Variants in SSH2 observed in about 807,000 individuals in gnomAD.
SSH2 encodes slingshot protein phosphatase 2.
Under a neutral mutation model 135.2 loss-of-function variants are expected in SSH2, and 37 were observed. The observed-to-expected ratio is 0.27, with a 90% CI of 0.21 to 0.36. SSH2 has a LOEUF of 0.36. Ranked by LOEUF, SSH2 falls within the 10% of genes least tolerant of loss-of-function variation. The probability of loss-of-function intolerance (pLI) is 1.00; values close to 1 mark genes in which losing one functional copy is unlikely to be tolerated. For missense variants in SSH2, 1,408 were observed against 1,765.3 expected, an observed-to-expected ratio of 0.80 and a Z score of 3.63; for synonymous variants, 628 against 646.2, an observed-to-expected ratio of 0.97 and a Z score of 0.43.
At chr17:29,924,851 C>A (rs987651708) in intron 1 of SSH2, among the ~76,000 whole-genome samples, 1 of 152,158 alleles carries the variant, frequency 6.6e-6, no homozygotes, top group African/African-American at 2.4e-5. Context: ...ATGGTTTGCA[C>A]AAACTTAGAT....
At chr17:29,712,601 C>T (rs1036411149) in intron 3 of SSH2, among the ~76,000 whole-genome samples, 19 of 152,036 alleles carry the variant, frequency 1.2e-4, no homozygotes, top group African/African-American at 4.6e-4. Context: ...GTCAGGAGTT[C>T]GAGACCCGCC....
chr17:29,643,201 C>T (rs886562073), intron 14 of SSH2: 5 of 985,136 alleles, frequency 5.1e-6, no homozygotes, highest in Non-Finnish European at 6.0e-6. Flanking sequence ...TACTTTGGTG[C>T]TGGGCGAGTC....
chr17:29,812,345 A>G (rs1039054859), intron 2 of SSH2, among the ~76,000 whole-genome samples: 1 of 151,946 alleles, frequency 6.6e-6, no homozygotes, highest in African/African-American at 2.4e-5. Context: ...GTGCAGTCAC[A>G]CAATTTTGGC....
chr17:29,672,092 C>T lies in SSH2; in HGVS notation c.652G>A (p.Ala218Thr), dbSNP rs1598765222. 5.0e-6 allele frequency: 8 copies of T among 1,613,876 alleles called. No individual in the cohort carries two copies. Among genetic ancestry groups the T allele is most frequent in the African/African-American group, 1.3e-5 (1 of 74,898 alleles). Reference sequence around the variant, plus strand: ...CCTGGGTAGTAGTTATGCGCTCTGGCGACTTCACAAGCCTTGTGTAAGCTC... The same window carrying T: ...CCTGGGTAGTAGTTATGCGCTCTGGTGACTTCACAAGCCTTGTGTAAGCTC... ...LQSLHKACEVARAHNYYPGSL... is the reference protein window; with the variant it reads ...LQSLHKACEVTRAHNYYPGSL... The change falls in exon 9 of 16, where the codon GCC becomes ACC. Residue 218 changes from alanine (A) to threonine (T), a missense_variant. By Grantham distance (58) the Ala-to-Thr change is moderately conservative. Around this residue, in one of 3 missense-constraint regions of SSH2, gnomAD observed 222 missense variants for 355.6 expected, o/e 0.62. Transcript: ENST00000540801.
At chr17:29,842,912 T>C (rs756600638) in intron 2 of SSH2, among the ~76,000 whole-genome samples, 2 of 152,228 alleles carry the variant, frequency 1.3e-5, no homozygotes, top group South Asian at 2.1e-4. Flanking sequence ...CTGTTTGCTA[T>C]TGGCCAACTG....
chr17:29,851,715 T>C (rs749264389), intron 1 of SSH2, among the ~76,000 whole-genome samples: 169 of 151,960 alleles, frequency 1.1e-3, no homozygotes, highest in Middle Eastern at 3.4e-3. Context: ...AAAATAATAA[T>C]AATCAGCCAA....
chr17:29,887,084 G>A (rs773251859), intron 1 of SSH2, among the ~76,000 whole-genome samples: 8 of 152,094 alleles, frequency 5.3e-5, no homozygotes, highest in Non-Finnish European at 1.0e-4. Context: ...CTCTCCTATC[G>A]AGCCAATGTA....
chr17:29,684,548 A>G lies in SSH2; in HGVS notation c.479+15T>C, dbSNP rs958727024. On this transcript the variant is annotated intron_variant, in intron 6 of 15. Coordinates refer to ENST00000540801, the MANE Select transcript of SSH2 (RefSeq NM_001282129.2). ...TAAAAAGCAGTTTTCACATTTTGAA[A>G]TGGTACCACCATACCTGTCATTAGA... 1.3e-6 allele frequency: 2 copies of G among 1,593,374 alleles called. No homozygotes were observed. Among genetic ancestry groups the G allele is most frequent in the Non-Finnish European group, 8.5e-7 (1 of 1,173,062 alleles).
intron 3 of SSH2, among the ~76,000 whole-genome samples, chr17:29,760,091 T>G (rs2041242834): frequency 6.6e-6 from 1 of 152,198 alleles, no homozygotes; most frequent in African/African-American, 2.4e-5. Flanking sequence ...CAAACGAGTT[T>G]AATTCGATTT....
At chr17:29,869,980 AT>A (rs561540435) in intron 1 of SSH2, among the ~76,000 whole-genome samples, 12 of 147,916 alleles carry the variant, frequency 8.1e-5, no homozygotes, top group Non-Finnish European at 1.6e-4. Flanking sequence ...GGTCGGTACT[AT>A]TTTTTTTTTC....
chr17:29,728,841 C>T (rs1269992200), intron 3 of SSH2, among the ~76,000 whole-genome samples: 2 of 152,254 alleles, frequency 1.3e-5, no homozygotes, highest in South Asian at 2.1e-4. Context: ...ATACTGATGT[C>T]CATATGCAGA....
intron 1 of SSH2, among the ~76,000 whole-genome samples, chr17:29,902,943 T>C (rs1439924364): frequency 6.6e-6 from 1 of 152,098 alleles, no homozygotes; most frequent in African/African-American, 2.4e-5. Flanking sequence ...ATGAACACTT[T>C]GGGAAGCCGA....
intron 1 of SSH2, among the ~76,000 whole-genome samples, chr17:29,894,082 T>C (rs2066399691): frequency 6.6e-6 from 1 of 152,118 alleles, no homozygotes; most frequent in Non-Finnish European, 1.5e-5. Flanking sequence ...CATATCCTCA[T>C]GGCTTCAGTA....
chr17:29,690,684 T>C (rs80024032), intron 5 of SSH2, among the ~76,000 whole-genome samples: 3,103 of 152,134 alleles, frequency 0.02, 58 homozygotes, highest in Non-Finnish European at 0.033. Flanking sequence ...AAGAACACTG[T>C]CTTCAAAAGA....
chr17:29,870,776 C>T (rs1202487187), intron 1 of SSH2, among the ~76,000 whole-genome samples: 1 of 152,178 alleles, frequency 6.6e-6, no homozygotes, highest in Non-Finnish European at 1.5e-5. Context: ...ACTGAACTAC[C>T]ATGCCTTCAT....
intron 6 of SSH2, among the ~76,000 whole-genome samples, chr17:29,678,532 G>T (rs2037822572): frequency 6.6e-6 from 1 of 152,148 alleles, no homozygotes; most frequent in African/African-American, 2.4e-5. Flanking sequence ...ATTAAAAAAT[G>T]TAAAGAAGTA....
chr17:29,681,139 C>A (rs1185762440), intron 6 of SSH2, among the ~76,000 whole-genome samples: 1 of 151,462 alleles, frequency 6.6e-6, no homozygotes, highest in Non-Finnish European at 1.5e-5. Context: ...GAGATAGAGA[C>A]CATCCTGGTC....
Position 29,703,005 on chromosome 17 carries a change from A to G in SSH2, c.246T>C (p.Asn82=), listed in dbSNP as rs764824791. Residue 82 remains asparagine (N), a synonymous_variant, in exon 4 of 16, where the codon AAT becomes AAC. Coordinates refer to ENST00000540801, the MANE Select transcript of SSH2 (RefSeq NM_001282129.2). ...GGCTGATTCTTGGTGTGGATGAGCC[A>G]TTTCCCCGTGGTAGAAAAAGGGCAG... The part of the protein sequence containing the change: ...KGAALFLPRG[N]GSSTPRISHR... 4.3e-6 allele frequency: 7 copies of G among 1,613,904 alleles called. No individual in the cohort carries two copies. Among genetic ancestry groups the G allele is most frequent in the African/African-American group, 2.7e-5 (2 of 74,926 alleles).
chr17:29,721,593 C>T (rs960410258), intron 3 of SSH2, among the ~76,000 whole-genome samples: 2 of 152,130 alleles, frequency 1.3e-5, no homozygotes, highest in African/African-American at 4.8e-5. Context: ...CATCAGGGGA[C>T]CCTAGACACC....
Sources: allele counts gnomAD v4.1 joint callset (sites outside exome capture counted in the v4.1 genomes callset), GRCh38; gene constraint gnomAD v4.1.1; regional missense constraint gnomAD v4.1.1; transcripts MANE v1.5; gene names NCBI Gene and HGNC (gene_info 2026-07-23, HGNC 2026-07-21).